Variants in NFIB observed in about 807,000 individuals in gnomAD.
The protein encoded by NFIB is nuclear factor 1 B-type.
Under a neutral mutation model 61.5 loss-of-function variants are expected in NFIB, and 11 were observed. That is an observed-to-expected ratio of 0.18 (90% CI 0.11 to 0.30). NFIB has a LOEUF of 0.30. Ranked by LOEUF, NFIB falls within the 10% of genes least tolerant of loss-of-function variation. The pLI is 1.00. For synonymous variants in NFIB, 260 were observed against 216.5 expected, an observed-to-expected ratio of 1.20 and a Z score of -1.76; for missense variants, 471 against 608.9, an observed-to-expected ratio of 0.77 and a Z score of 2.38.
intron 3 of NFIB, among the ~76,000 whole-genome samples, chr9:14,174,853 C>G (rs893608023): frequency 6.6e-6 from 1 of 151,428 alleles, no homozygotes; most frequent in Non-Finnish European, 1.5e-5. Flanking sequence ...CTTTGAACAC[C>G]ATATTCCAAG....
In NFIB at chr9:14,137,988, C is replaced by T. The variant is rs550510535; in HGVS notation, c.925+8701G>A. Among the ~76,000 whole-genome samples, 71 of 152,060 alleles carry T rather than the reference C, an allele frequency of 4.7e-4. No individual in the cohort carries two copies. The Middle Eastern group carries it at 0.014, about 29-fold the overall frequency. On this transcript the variant is annotated intron_variant, in intron 6 of 10. Coordinates refer to ENST00000380953, the MANE Select transcript of NFIB (RefSeq NM_001190737.2). ...TAACAGAGGTTTTATAATTAGTTTGCAAAATCATAAACATAATATCTCAAT... is the reference window on the plus strand; with the variant it reads ...TAACAGAGGTTTTATAATTAGTTTGTAAAATCATAAACATAATATCTCAAT...
At chr9:14,355,092 C>T (rs558752911) in intron 1 of NFIB, among the ~76,000 whole-genome samples, 2 of 152,162 alleles carry the variant, frequency 1.3e-5, no homozygotes, top group Admixed American at 1.3e-4. Context: ...ACTTGGAACA[C>T]TGCACCCCTC....
intron 6 of NFIB, among the ~76,000 whole-genome samples, chr9:14,139,329 T>C (rs990646527): frequency 1.3e-5 from 2 of 152,210 alleles, no homozygotes; most frequent in African/African-American, 2.4e-5. Context: ...TATATGATAT[T>C]GGGAGTCTAA....
chr9:14,305,160 T>C (rs1156859247), intron 2 of NFIB, among the ~76,000 whole-genome samples: 1 of 152,148 alleles, frequency 6.6e-6, no homozygotes, highest in Non-Finnish European at 1.5e-5. Context: ...TCAATCTATC[T>C]CTACAAATCT....
chr9:14,188,260 C>A (rs1240547587), intron 2 of NFIB, among the ~76,000 whole-genome samples: 1 of 152,154 alleles, frequency 6.6e-6, no homozygotes, highest in Non-Finnish European at 1.5e-5. Flanking sequence ...TCAATCCTTG[C>A]TTAGTTTTTA....
At chr9:14,427,937 G>GC in the NFIB span, among the ~76,000 whole-genome samples, 1 of 43,384 alleles carries the variant, frequency 2.3e-5, no homozygotes, top group African/African-American at 7.8e-5. Context: ...TAATTCAGTT[G>GC]TTTTTTTTTT....
chr9:14,326,040 AT>A (rs2060748340), intron 1 of NFIB, among the ~76,000 whole-genome samples: 1 of 152,318 alleles, frequency 6.6e-6, no homozygotes, highest in Admixed American at 6.5e-5. Context: ...AAATTAGGAC[AT>A]TTATAAAGTG....
chr9:14,228,676 A>G (rs11788974), intron 2 of NFIB, among the ~76,000 whole-genome samples: 2 of 152,054 alleles, frequency 1.3e-5, no homozygotes, highest in Admixed American at 6.5e-5. Context: ...AAAATATTCT[A>G]ATGAAAAAGC....
intron 2 of NFIB, among the ~76,000 whole-genome samples, chr9:14,227,219 CA>C (rs2052546344): frequency 6.6e-6 from 1 of 151,388 alleles, no homozygotes; most frequent in East Asian, 1.9e-4. Context: ...AAACTACTAC[CA>C]ATTTTAAAAG....
At chr9:14,411,723 C>A in the NFIB span, among the ~76,000 whole-genome samples, 2 of 152,148 alleles carry the variant, frequency 1.3e-5, no homozygotes, top group African/African-American at 4.8e-5. Flanking sequence ...TGACAGTCCC[C>A]AATAAACCCC....
At chr9:14,363,834 A>G (rs2061269538) in intron 1 of NFIB, among the ~76,000 whole-genome samples, 1 of 152,154 alleles carries the variant, frequency 6.6e-6, no homozygotes, top group Non-Finnish European at 1.5e-5. Flanking sequence ...CTATCTAGCA[A>G]TATGTCTTAG....
At chr9:14,190,332 G>A (rs1381909935) in intron 2 of NFIB, among the ~76,000 whole-genome samples, 1 of 152,144 alleles carries the variant, frequency 6.6e-6, no homozygotes, top group Admixed American at 6.6e-5. Flanking sequence ...GTAAGATGAT[G>A]CATAGCCTAC....
chr9:14,156,962 G>A (rs1043560249), intron 3 of NFIB, among the ~76,000 whole-genome samples: 5 of 152,164 alleles, frequency 3.3e-5, no homozygotes. Flanking sequence ...AGCATGGGTA[G>A]TGCAGCAACA....
chr9:14,501,587 T>C, the NFIB span, among the ~76,000 whole-genome samples: 2 of 152,188 alleles, frequency 1.3e-5, no homozygotes, highest in Non-Finnish European at 2.9e-5. Flanking sequence ...GGGTAATCAA[T>C]AGGATATTTC....
At chr9:14,214,282 G>A (rs2050618136) in intron 2 of NFIB, among the ~76,000 whole-genome samples, 1 of 152,178 alleles carries the variant, frequency 6.6e-6, no homozygotes, top group African/African-American at 2.4e-5. Context: ...AAAGCACACA[G>A]GGCCAGTGTC....
chr9:14,390,630 T>C (rs1433896869), intron 1 of NFIB, among the ~76,000 whole-genome samples: 2 of 152,314 alleles, frequency 1.3e-5, no homozygotes, highest in African/African-American at 2.4e-5. Context: ...TATTTGGAGG[T>C]GAAGCTTTTG....
At chr9:14,302,068 T>G (rs2059780962) in intron 2 of NFIB, among the ~76,000 whole-genome samples, 1 of 152,226 alleles carries the variant, frequency 6.6e-6, no homozygotes, top group African/African-American at 2.4e-5. Context: ...CATTTCACAG[T>G]GCAGACACAC....
At chr9:14,221,993 C>G (rs1013799915) in intron 2 of NFIB, among the ~76,000 whole-genome samples, 7 of 152,162 alleles carry the variant, frequency 4.6e-5, no homozygotes, top group African/African-American at 1.7e-4. Context: ...CCTTCATTAC[C>G]TTTCCCTCCG....
rs35934119 is a variant in NFIB at position 14,086,382 on chromosome 9, A to AT, written c.*1926dup. Reference sequence around the variant, plus strand: ...ACAAACAAACAAAAAAGCATACATTATTTTTTTTTTAAATCTGTGTACTTA... The same window carrying AT: ...ACAAACAAACAAAAAAGCATACATTATTTTTTTTTTTAAATCTGTGTACTTA... On this transcript the variant is annotated 3_prime_UTR_variant, in exon 11 of 11. Transcript: ENST00000380953. The AT allele has an allele frequency of 0.096, 20,364 of 212,668 alleles. 1,242 individuals carry two copies. The highest frequency in any genetic ancestry group is 0.29 in the South Asian group (1,509 of 5,284). 13.2% of individuals were successfully genotyped at this position (212,668 alleles called of 1,614,324 possible).
Sources: allele counts gnomAD v4.1 joint callset (sites outside exome capture counted in the v4.1 genomes callset), GRCh38; gene constraint gnomAD v4.1.1; transcripts MANE v1.5; gene names NCBI Gene and HGNC (gene_info 2026-07-23, HGNC 2026-07-21).